Variants in CADM2 observed in about 807,000 individuals in gnomAD.
CADM2 encodes cell adhesion molecule 2.
A neutral mutation model predicts 49.8 loss-of-function variants in CADM2; 12 were observed. That is an observed-to-expected ratio of 0.24 (90% CI 0.15 to 0.39). The LOEUF (loss-of-function observed/expected upper bound fraction) is 0.39. CADM2 is among the 10% of genes least tolerant of loss of function. CADM2 has a pLI of 1.00. For missense variants in CADM2, 378 were observed against 492.3 expected (o/e 0.77, Z 2.20); for synonymous variants, 214 against 175.4 (o/e 1.22, Z -1.74).
intron 1 of CADM2, among the ~76,000 whole-genome samples, chr3:85,642,152 T>A (rs1404491251): frequency 2.6e-5 from 4 of 152,140 alleles, no homozygotes; most frequent in Non-Finnish European, 5.9e-5. Context: ...GTGGAAAGTG[T>A]CTCCTCATAC....
intron 1 of CADM2, among the ~76,000 whole-genome samples, chr3:85,354,358 TGG>T (rs1009131797): frequency 2.6e-5 from 1 of 37,964 alleles, no homozygotes; most frequent in Non-Finnish European, 4.9e-5. Flanking sequence ...TGTTGTGGGG[TGG>T]GGGGAGGGGG....
chr3:85,151,680 A>G (rs2039927369), intron 1 of CADM2, among the ~76,000 whole-genome samples: 1 of 152,192 alleles, frequency 6.6e-6, no homozygotes. Context: ...ATAACAAAAT[A>G]TCATCCAGTG....
intron 1 of CADM2, among the ~76,000 whole-genome samples, chr3:85,164,926 G>T (rs572979928): frequency 6.6e-6 from 1 of 151,572 alleles, no homozygotes; most frequent in South Asian, 2.1e-4. Flanking sequence ...GAATATTAAA[G>T]GTATTCTTAA....
intron 1 of CADM2, among the ~76,000 whole-genome samples, chr3:84,968,877 A>G (rs896839253): frequency 3.9e-5 from 6 of 152,082 alleles, no homozygotes; most frequent in Non-Finnish European, 4.4e-5. Context: ...TGCAATCTTT[A>G]TGGACTGCCA....
chr3:85,371,587 C>T (rs1013826006), intron 1 of CADM2, among the ~76,000 whole-genome samples: 3 of 144,772 alleles, frequency 2.1e-5, no homozygotes, highest in Non-Finnish European at 4.5e-5. Flanking sequence ...TTTTCAGAAC[C>T]TATCTTCATC....
At chr3:85,187,230 A>G (rs1317009880) in intron 1 of CADM2, among the ~76,000 whole-genome samples, 2 of 152,166 alleles carry the variant, frequency 1.3e-5, no homozygotes, top group Non-Finnish European at 2.9e-5. Context: ...TGGTTTTGGA[A>G]GCTGAGAGAA....
chr3:85,525,095 T>A (rs911081766), intron 1 of CADM2, among the ~76,000 whole-genome samples: 2 of 152,154 alleles, frequency 1.3e-5, no homozygotes, highest in Non-Finnish European at 2.9e-5. Flanking sequence ...CAATGGCACC[T>A]GTATACCTAG....
At chr3:85,464,757 A>G (rs1046851589) in intron 1 of CADM2, among the ~76,000 whole-genome samples, 2 of 152,230 alleles carry the variant, frequency 1.3e-5, no homozygotes, top group Non-Finnish European at 2.9e-5. Flanking sequence ...TGTAGAAAAT[A>G]CTTTTTAATC....
At chr3:85,809,876 A>G (rs951564456) in intron 3 of CADM2, among the ~76,000 whole-genome samples, 1 of 150,392 alleles carries the variant, frequency 6.6e-6, no homozygotes, top group Non-Finnish European at 1.5e-5. Flanking sequence ...TCTCTTCAAA[A>G]CATCTTATCT....
At chr3:85,872,777 G>A (rs1487658048) in intron 3 of CADM2, among the ~76,000 whole-genome samples, 1 of 151,014 alleles carries the variant, frequency 6.6e-6, no homozygotes, top group Non-Finnish European at 1.5e-5. Flanking sequence ...AGATAAATAT[G>A]CTTAAATTTT....
chr3:85,656,637 A>G (rs2065208549), intron 1 of CADM2, among the ~76,000 whole-genome samples: 1 of 152,158 alleles, frequency 6.6e-6, no homozygotes, highest in African/African-American at 2.4e-5. Flanking sequence ...TAATGATAAT[A>G]ACAATAATAA....
intron 1 of CADM2, among the ~76,000 whole-genome samples, chr3:84,962,582 T>G (rs1424715936): frequency 6.6e-6 from 1 of 152,170 alleles, no homozygotes; most frequent in Non-Finnish European, 1.5e-5. Flanking sequence ...TCTTTCTATG[T>G]GCGGGGAGAA....
At chr3:86,011,903 A>G (rs1731560814) in intron 8 of CADM2, among the ~76,000 whole-genome samples, 1 of 151,986 alleles carries the variant, frequency 6.6e-6, no homozygotes, top group Admixed American at 6.6e-5. Context: ...AGAGAGAAAT[A>G]ATAATGTTGT....
At chr3:85,787,171 G>C (rs1044503087) in intron 2 of CADM2, among the ~76,000 whole-genome samples, 4 of 152,022 alleles carry the variant, frequency 2.6e-5, no homozygotes, top group Admixed American at 2.6e-4. Context: ...TGCCATTTTA[G>C]AGTGGAAGTA....
chr3:85,048,734 G>GA, intron 1 of CADM2, among the ~76,000 whole-genome samples: 1 of 152,098 alleles, frequency 6.6e-6, no homozygotes, highest in Non-Finnish European at 1.5e-5. Flanking sequence ...AGGTAATATA[G>GA]AAGACAGGAT....
intron 1 of CADM2, among the ~76,000 whole-genome samples, chr3:85,269,670 C>T (rs2043193776): frequency 6.6e-6 from 1 of 151,312 alleles, no homozygotes; most frequent in Non-Finnish European, 1.5e-5. Flanking sequence ...GGACTTGTCT[C>T]TCAGATCACT....
chr3:85,813,663 C>T (rs574916408), intron 3 of CADM2, among the ~76,000 whole-genome samples: 34 of 152,094 alleles, frequency 2.2e-4, no homozygotes, highest in African/African-American at 7.0e-4. Context: ...AGGGTTTTTA[C>T]GATTTTAGGT....
intron 3 of CADM2, 81 bp downstream of exon 3, chr3:85,802,277 C>A (rs920489790): frequency 2.5e-6 from 3 of 1,222,074 alleles, no homozygotes; most frequent in South Asian, 1.8e-5. Flanking sequence ...TGAGATGATT[C>A]AAACTATTCC....
At chr3:85,302,190 T>G (rs182525027) in intron 1 of CADM2, among the ~76,000 whole-genome samples, 28 of 152,212 alleles carry the variant, frequency 1.8e-4, no homozygotes, top group Non-Finnish European at 2.9e-5. Flanking sequence ...AGTCATTATG[T>G]AATGTTTAAG....
Sources: allele counts gnomAD v4.1 joint callset (sites outside exome capture counted in the v4.1 genomes callset), GRCh38; gene constraint gnomAD v4.1.1; transcripts MANE v1.5; gene names NCBI Gene and HGNC (gene_info 2026-07-23, HGNC 2026-07-21).